SLC25A28: variants seen among roughly 807,000 people sequenced by gnomAD.
SLC25A28 encodes the protein solute carrier family 25 member 28, also known as mitoferrin-2.
In SLC25A28, 10 loss-of-function variants were observed where a neutral mutation model predicts 31.9. The observed-to-expected ratio is 0.31, with a 90% CI of 0.19 to 0.53. SLC25A28 has a LOEUF of 0.53. Among genes scored for constraint, SLC25A28 ranks in the 20% least tolerant of loss-of-function variants. The pLI is 0.95. For synonymous variants in SLC25A28, 208 were observed against 203.6 expected, an observed-to-expected ratio of 1.02 and a Z score of -0.19; for missense variants, 256 against 490.3, an observed-to-expected ratio of 0.52 and a Z score of 4.51.
At chr10:99,624,175 CCTTT>C (rs1359533624), upstream of SLC25A28, among the ~76,000 whole-genome samples, 3 of 150,462 alleles carry the variant, frequency 2.0e-5, no homozygotes, top group Non-Finnish European at 4.4e-5. Flanking sequence ...CTCCTTCCTT[CCTTT>C]TTTTCTTCCT....
the SLC25A28 span, among the ~76,000 whole-genome samples, chr10:99,632,035 T>C: frequency 6.6e-6 from 1 of 150,746 alleles, no homozygotes; most frequent in African/African-American, 2.4e-5. Context: ...TAGCTGGGAC[T>C]ACAGGCGCCC....
chr10:99,655,715 T>G, the SLC25A28 span, among the ~76,000 whole-genome samples: 1 of 152,244 alleles, frequency 6.6e-6, no homozygotes. Context: ...TGACTTCCCT[T>G]TCATATTATT....
At position 99,620,071 on chromosome 10, in the gene SLC25A28, C is replaced by G. The variant is rs867397783; in HGVS notation, c.265G>C (p.Val89Leu). 4 of 1,582,218 alleles carry G rather than the reference C, an allele frequency of 2.5e-6. No individual in the cohort carries two copies. The highest frequency in any genetic ancestry group is 2.2e-5 in the South Asian group (2 of 90,496). ...GAVAGILEHC[V>L]MYPIDCVKTR... ...TTGACGCAGTCGATGGGGTACATCA[C>G]GCAGTGCTCCAGGATCCCTGCCACG... The change falls in exon 1 of 4, where the codon GTG becomes CTG. Residue 89 changes from valine (V) to leucine (L), a missense_variant. Physicochemically the swap from Val to Leu is conservative, Grantham distance 32. Around this residue, in one of 4 missense-constraint regions of SLC25A28, gnomAD observed 158 missense variants for 379.1 expected, o/e 0.42. Coordinates refer to ENST00000370495, the MANE Select transcript of SLC25A28 (RefSeq NM_031212.4).
intron 1 of SLC25A28, chr10:99,618,387 C>T (rs914670223): frequency 3.0e-6 from 3 of 985,270 alleles, no homozygotes; most frequent in Non-Finnish European, 3.6e-6. Flanking sequence ...GTTTTCCATT[C>T]AATACTCATC....
At chr10:99,638,315 T>C in the SLC25A28 span, among the ~76,000 whole-genome samples, 1 of 152,224 alleles carries the variant, frequency 6.6e-6, no homozygotes, top group Non-Finnish European at 1.5e-5. Context: ...GAATTTAATC[T>C]AAGACCTGAA....
At chr10:99,619,195 A>G (rs147957347) in intron 1 of SLC25A28, 1,969 of 985,456 alleles carry the variant, frequency 2.0e-3, no homozygotes, top group Admixed American at 2.4e-3. Context: ...TACTTTCACA[A>G]GAATCGTGTC....
At chr10:99,637,046 A>G in the SLC25A28 span, among the ~76,000 whole-genome samples, 2 of 152,350 alleles carry the variant, frequency 1.3e-5, no homozygotes, top group African/African-American at 4.8e-5. Context: ...CATTAACAAA[A>G]TACTAGCTAA....
At chr10:99,650,189 T>G in the SLC25A28 span, among the ~76,000 whole-genome samples, 1 of 152,144 alleles carries the variant, frequency 6.6e-6, no homozygotes, top group Non-Finnish European at 1.5e-5. Context: ...TTTCTTTCTC[T>G]CTTTTTCAGA....
the SLC25A28 span, among the ~76,000 whole-genome samples, chr10:99,639,144 C>T: frequency 4.0e-5 from 6 of 151,686 alleles, no homozygotes; most frequent in African/African-American, 1.5e-4. Context: ...TGAGGGAATA[C>T]TACTCAGCCA....
chr10:99,624,233 T>A (rs2034842442), upstream of SLC25A28, among the ~76,000 whole-genome samples: 1 of 121,536 alleles, frequency 8.2e-6, no homozygotes, highest in Admixed American at 8.0e-5. Flanking sequence ...TTCTTCTTTC[T>A]TTTTTCTCTC....
chr10:99,628,869 C>T, the SLC25A28 span, among the ~76,000 whole-genome samples: 2 of 152,170 alleles, frequency 1.3e-5, no homozygotes, highest in Non-Finnish European at 2.9e-5. Context: ...AAAATAACAA[C>T]CATTAGCAAG....
chr10:99,618,163 G>T, intron 1 of SLC25A28: 1 of 662,796 alleles, frequency 1.5e-6, no homozygotes, highest in Non-Finnish European at 1.9e-6. Context: ...TTAAGGACAT[G>T]CACCCAAATA....
the SLC25A28 span, among the ~76,000 whole-genome samples, chr10:99,631,513 A>G: frequency 9.2e-5 from 14 of 152,032 alleles, no homozygotes; most frequent in Middle Eastern, 6.3e-3. Context: ...CTGACTTCAG[A>G]GTGTAAACTC....
the SLC25A28 span, among the ~76,000 whole-genome samples, chr10:99,651,798 T>C: frequency 2.6e-5 from 4 of 152,044 alleles, no homozygotes; most frequent in African/African-American, 9.7e-5. Flanking sequence ...AGAGTCTGAC[T>C]GTGTTGCTCA....
the SLC25A28 span, among the ~76,000 whole-genome samples, chr10:99,630,798 T>C: frequency 7.9e-5 from 12 of 152,122 alleles, no homozygotes; most frequent in Non-Finnish European, 1.8e-4. Flanking sequence ...CAAAGATTCA[T>C]GAATGTAAAA....
the SLC25A28 span, among the ~76,000 whole-genome samples, chr10:99,646,422 G>A: frequency 6.6e-6 from 1 of 152,222 alleles, no homozygotes; most frequent in Non-Finnish European, 1.5e-5. Context: ...CGCAGTATTA[G>A]GGTGGGAGTG....
intron 1 of SLC25A28, chr10:99,619,222 T>A: frequency 1.0e-6 from 1 of 985,438 alleles, no homozygotes; most frequent in Non-Finnish European, 1.2e-6. Context: ...TTGATCTCTT[T>A]CCATTTTCTT....
the SLC25A28 span, among the ~76,000 whole-genome samples, chr10:99,631,008 A>C: frequency 6.6e-6 from 1 of 152,154 alleles, no homozygotes; most frequent in Non-Finnish European, 1.5e-5. Context: ...TGGAAGGAGT[A>C]AGGGAAGGAG....
At chr10:99,648,431 T>G in the SLC25A28 span, among the ~76,000 whole-genome samples, 1 of 152,126 alleles carries the variant, frequency 6.6e-6, no homozygotes, top group East Asian at 1.9e-4. Flanking sequence ...CTCTGGCTAT[T>G]CAGGCCCTTT....
Sources: allele counts gnomAD v4.1 joint callset (sites outside exome capture counted in the v4.1 genomes callset), GRCh38; gene constraint gnomAD v4.1.1; regional missense constraint gnomAD v4.1.1; transcripts MANE v1.5; gene names NCBI Gene and HGNC (gene_info 2026-07-23, HGNC 2026-07-21).